Variants in RAB44 observed in about 807,000 individuals in gnomAD.
The protein encoded by RAB44 is RAB44, member RAS oncogene family.
RAB44 carries 67 observed loss-of-function variants against 93.3 expected under a neutral mutation model. The observed-to-expected ratio is 0.72, with a 90% CI of 0.59 to 0.88. RAB44 has a LOEUF of 0.88. Among genes scored for constraint, RAB44 ranks in the 40% least tolerant of loss-of-function variants. The pLI is 0.00. For missense variants in RAB44, 1,064 were observed against 1,261.7 expected (o/e 0.84, Z 2.37); for synonymous variants, 427 against 520.3 (o/e 0.82, Z 2.44).
chr6:36,731,673 C>G lies in RAB44; in HGVS notation c.2976-330C>G, dbSNP rs2150343842. 6.6e-6 allele frequency among the ~76,000 whole-genome samples: 1 copy of G among 152,276 alleles called. No homozygotes were observed. Among genetic ancestry groups the G allele is most frequent in the Admixed American group, 6.5e-5 (1 of 15,296 alleles). On this transcript the variant is annotated intron_variant, in intron 13 of 13. Transcript: ENST00000612677. This position sits in a 1 kb window ranked among gnomAD's most constrained non-coding sequence, Gnocchi z 4.0. ...CTTCCTCCCCAGATCCCTCCAGGAC[C>G]TGGTGTGAAGTCCCTGTGTGCCTCC...
intron 2 of RAB44, 59 bp downstream of exon 2, chr6:36,704,501 C>T (rs1481506797): frequency 2.0e-6 from 3 of 1,472,302 alleles, no homozygotes; most frequent in Non-Finnish European, 9.2e-7. Context: ...CTGACACCCC[C>T]TCTCCCCCAT....
intron 1 of RAB44, among the ~76,000 whole-genome samples, chr6:36,703,488 A>T (rs1034460925): frequency 2.6e-5 from 4 of 152,122 alleles, no homozygotes; most frequent in Non-Finnish European, 5.9e-5. Flanking sequence ...GAGAGAGTTG[A>T]GGAGTTTGGG....
At chr6:36,701,803 GT>G (rs1388386865) in intron 1 of RAB44, among the ~76,000 whole-genome samples, 1 of 151,238 alleles carries the variant, frequency 6.6e-6, no homozygotes, top group Non-Finnish European at 1.5e-5. Flanking sequence ...GGTGTACAAG[GT>G]GTGTCCTGCA....
intron 12 of RAB44, among the ~76,000 whole-genome samples, chr6:36,730,153 G>C (rs1385762616): frequency 6.6e-6 from 1 of 152,144 alleles, no homozygotes; most frequent in African/African-American, 2.4e-5. Context: ...TATTTGACTG[G>C]AGCTTGCCAA....
At position 36,718,576 on chromosome 6, in the gene RAB44, G is replaced by A. The variant is rs548299445; in HGVS notation, c.816G>A (p.Glu272=). Residue 272 remains glutamate (E), a synonymous_variant, in exon 7 of 14, where the codon GAG becomes GAA. Coordinates refer to ENST00000612677, the MANE Select transcript of RAB44 (RefSeq NM_001257357.2). ...AGCGCGAGGTGCAGCGACTAGCTGA[G>A]GGCCAGAGGGAGGTGAGTAATAGGG... The part of the protein sequence containing the change: ...AKEREVQRLA[E]GQRELEAQLS... 3 of 1,233,858 alleles carry A rather than the reference G, an allele frequency of 2.4e-6. No individual in the cohort carries two copies. In the Admixed American group the frequency reaches 1.3e-4, roughly 52 times the overall value. The allele number at this position is 1,233,858 out of a possible 1,614,324, so 76.4% of individuals were successfully genotyped here. A position where few individuals can be genotyped will look rare whatever the true frequency, so the allele number is the denominator to read the frequency against.
At position 36,731,811 on chromosome 6, in the gene RAB44, T is replaced by C. The variant is rs1214963928; in HGVS notation, c.2976-192T>C. Among the ~76,000 whole-genome samples, 1 of 152,140 alleles carries C rather than the reference T, an allele frequency of 6.6e-6. No individual in the cohort carries two copies. Among genetic ancestry groups the C allele is most frequent in the African/African-American group, 2.4e-5 (1 of 41,424 alleles). On this transcript the variant is annotated intron_variant, in intron 13 of 13. Coordinates refer to ENST00000612677, the MANE Select transcript of RAB44 (RefSeq NM_001257357.2). This position sits in a 1 kb window ranked among gnomAD's most constrained non-coding sequence, Gnocchi z 4.0. Reference sequence around the variant, plus strand: ...AGAGTCCTGCACAGTGCCTGGCACATAGTAGGCCAGAAAGAGAAGGTCAAA... The same window carrying C: ...AGAGTCCTGCACAGTGCCTGGCACACAGTAGGCCAGAAAGAGAAGGTCAAA...
intron 9 of RAB44, 68 bp downstream of exon 9, chr6:36,722,801 C>G: frequency 1.3e-6 from 2 of 1,525,168 alleles, no homozygotes; most frequent in African/African-American, 1.4e-5. Flanking sequence ...CGAGTGAGAG[C>G]GGGCCCAGAC....
chr6:36,709,202 C>T (rs1182625861), intron 2 of RAB44, among the ~76,000 whole-genome samples: 3 of 152,122 alleles, frequency 2.0e-5, no homozygotes, highest in South Asian at 2.1e-4. Context: ...CCACCCGCCT[C>T]GGCCTCCCAA....
intron 2 of RAB44, 48 bp from the exon 3 acceptor site, chr6:36,713,780 G>C: frequency 1.7e-6 from 2 of 1,202,342 alleles, no homozygotes; most frequent in South Asian, 1.3e-5. Flanking sequence ...TGGAGGGTGA[G>C]AGCCTTCCCC....
chr6:36,699,335 G>A (rs1762457884), intron 1 of RAB44, among the ~76,000 whole-genome samples: 1 of 152,168 alleles, frequency 6.6e-6, no homozygotes, highest in Non-Finnish European at 1.5e-5. Flanking sequence ...CCTAGGATGT[G>A]GCTGCAGGGA....
Position 36,722,545 on chromosome 6 carries a change from C to T in RAB44, c.2411C>T (p.Pro804Leu), listed in dbSNP as rs1019541817. The T allele has an allele frequency of 9.1e-6, 14 of 1,543,500 alleles. No homozygotes were observed. In the Admixed American group the frequency reaches 1.8e-4, roughly 20 times the overall value. ...AGGGCAGAGAGCAGGCTTGAAGATC[C>T]AGGAATGGACTCCAGGGAAGCTGGG... ...EPRAESRLED[P>L]GMDSREAGLT... is the part of the protein sequence containing the mutation. Residue 804 changes from proline (P) to leucine (L), a missense_variant, in exon 9 of 14, where the codon CCA becomes CTA. By Grantham distance (98) the Pro-to-Leu change is moderately conservative (BLOSUM62 -3). Coordinates refer to ENST00000612677, the MANE Select transcript of RAB44 (RefSeq NM_001257357.2).
In RAB44 at chr6:36,717,412, C is replaced by G. The variant is rs991502175; in HGVS notation, c.634C>G (p.Leu212Val). ...GGACAAGGAGGCCCTGGAGCTGACC[C>G]TGAGGAAGTGAGTGGGGGGCCTGGC... ...QADKEALELT[L>V]RKRDSDHHRE... Residue 212 changes from leucine to valine, a missense_variant, in exon 5 of 14, where the codon CTG becomes GTG. By Grantham distance (32) the Leu-to-Val change is conservative. Transcript: ENST00000612677. This position sits in a 1 kb window ranked among gnomAD's most constrained non-coding sequence, Gnocchi z 4.1. 8.1e-7 allele frequency: 1 copy of G among 1,232,092 alleles called. No homozygotes were observed. The highest frequency in any genetic ancestry group is 1.6e-5 in the African/African-American group (1 of 64,400). 76.3% of individuals were successfully genotyped at this position (1,232,092 alleles called of 1,614,324 possible).
chr6:36,732,186 A>G lies in RAB44; in HGVS notation c.*93A>G. On this transcript the variant is annotated 3_prime_UTR_variant, in exon 14 of 14. Transcript: ENST00000612677. The stretch of plus-strand genomic sequence containing the variant: ...TTCCTGGACAGCAACGACACAGAGG[A>G]CCAGCTTGGAGGTTCAGGAAAACCC... 1.3e-6 allele frequency: 1 copy of G among 793,920 alleles called. No homozygotes were observed. The highest frequency in any genetic ancestry group is 1.8e-5 in the African/African-American group (1 of 56,052). 49.2% of individuals were successfully genotyped at this position (793,920 alleles called of 1,614,324 possible).
intron 2 of RAB44, among the ~76,000 whole-genome samples, chr6:36,704,739 C>T (rs1269761522): frequency 6.6e-6 from 1 of 152,188 alleles, no homozygotes; most frequent in African/African-American, 2.4e-5. Context: ...TCTTGGGAAG[C>T]AGTCAGAGCC....
intron 9 of RAB44, among the ~76,000 whole-genome samples, chr6:36,724,298 G>A (rs897391405): frequency 1.3e-5 from 2 of 152,156 alleles, no homozygotes; most frequent in African/African-American, 2.4e-5. Flanking sequence ...CTCCCAAGTA[G>A]CTGAGACTAC....
chr6:36,704,121 A>C, intron 1 of RAB44, 103 bp from the exon 2 acceptor site: 1 of 1,066,796 alleles, frequency 9.4e-7, no homozygotes, highest in South Asian at 1.5e-5. Context: ...TGGCAGCCAC[A>C]GTGGATTTTC....
At chr6:36,711,347 G>A (rs932910955) in intron 2 of RAB44, among the ~76,000 whole-genome samples, 23 of 152,276 alleles carry the variant, frequency 1.5e-4, no homozygotes, top group Admixed American at 7.8e-4. Context: ...AGATTAACTC[G>A]TTTCTTCACA....
chr6:36,718,601 G>T lies in RAB44; in HGVS notation c.828+13G>T. 1 of 1,219,234 alleles carries T rather than the reference G, an allele frequency of 8.2e-7. No homozygotes were observed. The allele number at this position is 1,219,234 out of a possible 1,614,324, so 75.5% of individuals were successfully genotyped here. ...GGGCCAGAGGGAGGTGAGTAATAGGGTTTCCCAGAAACCTACTTCCGAACA... is the reference window on the plus strand; with the variant it reads ...GGGCCAGAGGGAGGTGAGTAATAGGTTTTCCCAGAAACCTACTTCCGAACA... On this transcript the variant is annotated intron_variant, in intron 7 of 13. Transcript: ENST00000612677.
intron 2 of RAB44, among the ~76,000 whole-genome samples, chr6:36,706,697 T>C (rs1762657687): frequency 6.6e-6 from 1 of 152,146 alleles, no homozygotes; most frequent in South Asian, 2.1e-4. Flanking sequence ...ATAATTATAT[T>C]GCCATAGAAA....
Sources: allele counts gnomAD v4.1 joint callset (sites outside exome capture counted in the v4.1 genomes callset), GRCh38; gene constraint gnomAD v4.1.1; non-coding constraint Gnocchi (gnomAD v3.1); transcripts MANE v1.5; gene names NCBI Gene and HGNC (gene_info 2026-07-23, HGNC 2026-07-21).